The following FAM228B variants were observed in gnomAD, a reference collection of about 807,000 sequenced individuals.
FAM228B encodes the protein family with sequence similarity 228 member B.
In FAM228B, 38 loss-of-function variants were observed where a neutral mutation model predicts 42.6. That is an observed-to-expected ratio of 0.89 (90% CI 0.69 to 1.17). FAM228B has a LOEUF of 1.17. Among genes scored for constraint, FAM228B ranks in the 50% most tolerant of loss-of-function variants. The pLI is 0.00. For synonymous variants in FAM228B, 109 were observed against 122.3 expected (o/e 0.89, Z 0.72); for missense variants, 344 against 367.3 (o/e 0.94, Z 0.52).
chr2:24,130,898 T>C (rs912499117), intron 2 of FAM228B, among the ~76,000 whole-genome samples: 2 of 152,212 alleles, frequency 1.3e-5, no homozygotes, highest in African/African-American at 2.4e-5. Context: ...ATTGCCTATG[T>C]TTTCTTCTAG....
intron 2 of FAM228B, among the ~76,000 whole-genome samples, chr2:24,090,408 A>AC (rs1440154085): frequency 6.6e-6 from 1 of 151,800 alleles, no homozygotes; most frequent in African/African-American, 2.4e-5. Context: ...ACATGGTGAA[A>AC]CCCCAACTCT....
chr2:24,104,161 C>A (rs1198326108), intron 3 of FAM228B, among the ~76,000 whole-genome samples: 1 of 152,162 alleles, frequency 6.6e-6, no homozygotes, highest in Non-Finnish European at 1.5e-5. Context: ...GCCAGGAGAA[C>A]CTCTCCAGCA....
chr2:24,087,978 G>A (rs1665300060), intron 2 of FAM228B, among the ~76,000 whole-genome samples: 1 of 151,942 alleles, frequency 6.6e-6, no homozygotes, highest in Non-Finnish European at 1.5e-5. Context: ...CCTGAGCTTA[G>A]GCAATCCACC....
At chr2:24,113,915 A>T (rs1326186594) in intron 3 of FAM228B, among the ~76,000 whole-genome samples, 1 of 152,090 alleles carries the variant, frequency 6.6e-6, no homozygotes, top group Non-Finnish European at 1.5e-5. Flanking sequence ...AAAAGAATCA[A>T]ACTACTGACT....
rs10194831 is a variant in FAM228B, at chr2:24,077,870, C to G, written c.-290+901C>G. ...CTGAAGCCACGTATCTGAAAAAGCA[C>G]ACAGGGACACTTAACCCCTCACTTC... is the stretch of plus-strand genomic sequence containing the variant. On this transcript the variant is annotated intron_variant, in intron 1 of 10. Transcript: ENST00000613899. The surrounding 1 kb of genome is among the most constrained non-coding windows in gnomAD (Gnocchi z 5.5). 167,236 of 1,228,180 alleles carry G rather than the reference C, an allele frequency of 0.14. 12,175 individuals carry two copies. The highest frequency in any genetic ancestry group is 0.17 in the South Asian group (11,759 of 68,736). The allele number at this position is 1,228,180 out of a possible 1,614,324, so 76.1% of individuals were successfully genotyped here. A position where few individuals can be genotyped will look rare whatever the true frequency, so the allele number is the denominator to read the frequency against.
intron 5 of FAM228B, among the ~76,000 whole-genome samples, chr2:24,144,317 G>T (rs1666838021): frequency 6.6e-6 from 1 of 151,700 alleles, no homozygotes; most frequent in Admixed American, 6.6e-5. Context: ...CACACCTGTG[G>T]TCCCAGCCAC....
intron 2 of FAM228B, among the ~76,000 whole-genome samples, chr2:24,086,786 T>G (rs904210093): frequency 6.6e-6 from 1 of 152,194 alleles, no homozygotes; most frequent in Non-Finnish European, 1.5e-5. Context: ...GCAAAAAACA[T>G]GTCTGAGGAT....
chr2:24,083,166 A>G, intron 2 of FAM228B: 1 of 1,585,034 alleles, frequency 6.3e-7, no homozygotes, highest in Non-Finnish European at 8.6e-7. Flanking sequence ...CAGAGAAAGA[A>G]GTGCACTAAG....
intron 3 of FAM228B, among the ~76,000 whole-genome samples, chr2:24,102,268 C>G (rs761052302): frequency 6.6e-6 from 1 of 152,172 alleles, no homozygotes; most frequent in Admixed American, 6.6e-5. Flanking sequence ...ATTATACCAG[C>G]AAAGCTTTCT....
At chr2:24,113,381 T>C (rs759581028) in intron 3 of FAM228B, among the ~76,000 whole-genome samples, 5 of 152,198 alleles carry the variant, frequency 3.3e-5, no homozygotes, top group Non-Finnish European at 5.9e-5. Flanking sequence ...TAGACCAGCC[T>C]GTGCAACATG....
chr2:24,164,072 T>C, intron 8 of FAM228B, 126 bp from the exon 9 acceptor site: 1 of 913,094 alleles, frequency 1.1e-6, no homozygotes, highest in Non-Finnish European at 1.6e-6. Context: ...AGTAAATACG[T>C]TTATTTTCAT....
At chr2:24,135,286 A>C (rs1010951313) in intron 3 of FAM228B, 99 bp downstream of exon 3, 2 of 704,152 alleles carry the variant, frequency 2.8e-6, no homozygotes, top group Non-Finnish European at 4.6e-6. Flanking sequence ...GAAAATATGG[A>C]AAAAAGAATT....
At chr2:24,087,614 T>TTTG (rs894558055) in intron 2 of FAM228B, among the ~76,000 whole-genome samples, 1 of 151,978 alleles carries the variant, frequency 6.6e-6, no homozygotes, top group Admixed American at 6.6e-5. Context: ...AGAATTCTTT[T>TTTG]TTGTTGTTGT....
intron 7 of FAM228B, among the ~76,000 whole-genome samples, chr2:24,156,462 G>T (rs942592928): frequency 6.6e-6 from 1 of 151,812 alleles, no homozygotes; most frequent in African/African-American, 2.4e-5. Context: ...GTGAAATCCC[G>T]TCTCTACTAA....
chr2:24,133,012 G>A (rs991315061), intron 2 of FAM228B, among the ~76,000 whole-genome samples: 1 of 152,102 alleles, frequency 6.6e-6, no homozygotes, highest in Non-Finnish European at 1.5e-5. Context: ...CTCTTTTCCA[G>A]TATTTTTCCT....
In FAM228B at chr2:24,165,278, C is replaced by T. The variant is rs886989435; in HGVS notation, c.932+943C>T. The T allele has an allele frequency of 9.0e-6, 4 of 444,982 alleles. No individual in the cohort carries two copies. The Admixed American group carries it at 9.7e-5, about 11-fold the overall frequency. 27.6% of individuals were successfully genotyped at this position (444,982 alleles called of 1,614,324 possible). ...GGCTTGTACTGGACTCCTCATGAGG[C>T]CAACTCAAGGCCAAGGAGCAACCCT... On this transcript the variant is annotated intron_variant, in intron 9 of 10. Coordinates refer to ENST00000615575, the MANE Select transcript of FAM228B (RefSeq NM_001145710.2).
At chr2:24,154,683 GGT>G (rs1259677033) in intron 7 of FAM228B, among the ~76,000 whole-genome samples, 1 of 152,200 alleles carries the variant, frequency 6.6e-6, no homozygotes, top group Non-Finnish European at 1.5e-5. Context: ...AGGCGAAGCA[GGT>G]TTTGTGTCCT....
chr2:24,124,970 G>A (rs1377903895), intron 2 of FAM228B, among the ~76,000 whole-genome samples: 1 of 152,194 alleles, frequency 6.6e-6, no homozygotes, highest in Non-Finnish European at 1.5e-5. Context: ...CCAAAATGCT[G>A]GGATTATAGC....
intron 9 of FAM228B, chr2:24,165,361 A>G (rs1192107928): frequency 6.4e-6 from 3 of 470,968 alleles, no homozygotes; most frequent in Non-Finnish European, 1.3e-5. Flanking sequence ...TAAAAGGACA[A>G]TGCCTTTTCA....
Sources: allele counts gnomAD v4.1 joint callset (sites outside exome capture counted in the v4.1 genomes callset), GRCh38; gene constraint gnomAD v4.1.1; non-coding constraint Gnocchi (gnomAD v3.1); transcripts MANE v1.5; gene names NCBI Gene and HGNC (gene_info 2026-07-23, HGNC 2026-07-21).